MUC20: variants seen among roughly 807,000 people sequenced by gnomAD.
The protein encoded by MUC20 is mucin 20, cell surface associated.
MUC20 carries 14 observed loss-of-function variants against 23.8 expected under a neutral mutation model. The ratio of observed to expected loss-of-function variants is 0.59; its 90% confidence interval spans 0.39 to 0.92. The LOEUF (loss-of-function observed/expected upper bound fraction) is 0.92. Ranked by LOEUF, MUC20 falls within the 40% of genes least tolerant of loss-of-function variation. The pLI, the probability that MUC20 is intolerant of heterozygous loss-of-function variation, is 0.00. For missense variants in MUC20, 375 were observed against 668.8 expected (o/e 0.56, Z 4.85); for synonymous variants, 166 against 279.3 (o/e 0.59, Z 4.04).
Position 195,726,307 on chromosome 3 carries a change from G to A in MUC20, c.1704G>A (p.Gly568=), listed in dbSNP as rs770050031. The A allele has an allele frequency of 2.8e-5, 45 of 1,613,946 alleles. No homozygotes were observed. The highest frequency in any genetic ancestry group is 2.5e-4 in the East Asian group (11 of 44,896). ...TGGGCAAAACAACTTCCTTTGCTGG[G>A]AGCTCTGCTTCCTCCTACAGCCCCT... ...SAVGKTTSFA[G]SSASSYSPSE... Residue 568 remains glycine, a synonymous_variant, in exon 2 of 4, where the codon GGG becomes GGA. Transcript: ENST00000447234.
intron 2 of MUC20, 160 bp from the exon 3 acceptor site, chr3:195,729,488 G>A (rs1713131439): frequency 1.4e-6 from 1 of 689,700 alleles, no homozygotes; most frequent in Non-Finnish European, 2.4e-6. Flanking sequence ...GGCTCATTTT[G>A]TGTTTTTAGT....
chr3:195,726,783 C>G (rs543989005), intron 2 of MUC20, among the ~76,000 whole-genome samples: 27 of 152,352 alleles, frequency 1.8e-4, no homozygotes, highest in Middle Eastern at 3.4e-3. Flanking sequence ...GGATGGAAGT[C>G]CGGAGAAATG....
chr3:195,730,572 A>T (rs552270526), intron 3 of MUC20, among the ~76,000 whole-genome samples: 315 of 152,080 alleles, frequency 2.1e-3, no homozygotes, highest in African/African-American at 7.3e-3. Flanking sequence ...GAATAGTCTC[A>T]ATCTCCTGAC....
intron 1 of MUC20, among the ~76,000 whole-genome samples, 189 bp downstream of exon 1, chr3:195,721,272 T>G (rs1204555246): frequency 1.1e-4 from 16 of 145,570 alleles, no homozygotes; most frequent in East Asian, 4.2e-4. Context: ...AGTGTAAGCG[T>G]GCATGGCGCT....
chr3:195,721,258 T>A (rs55707324), intron 1 of MUC20, among the ~76,000 whole-genome samples, 175 bp downstream of exon 1: 21,594 of 150,314 alleles, frequency 0.14, 1,045 homozygotes, highest in Non-Finnish European at 0.18. Flanking sequence ...CAAATGACAG[T>A]GTGAGTGTAA....
chr3:195,721,577 A>G (rs1286169032), intron 1 of MUC20: 2 of 184,256 alleles, frequency 1.1e-5, no homozygotes, highest in Non-Finnish European at 2.2e-5. Context: ...AACTGCCACA[A>G]ACTGCTTGGG....
intron 3 of MUC20, 111 bp from the exon 4 acceptor site, chr3:195,733,039 G>C (rs892788714): frequency 4.2e-6 from 5 of 1,184,472 alleles, no homozygotes; most frequent in Non-Finnish European, 6.1e-6. Context: ...GCCCAGGAAG[G>C]GTTGCCGTCC....
chr3:195,728,011 CTATT>C (rs1481425227), intron 2 of MUC20, among the ~76,000 whole-genome samples: 5 of 152,306 alleles, frequency 3.3e-5, no homozygotes, highest in East Asian at 1.9e-4. Flanking sequence ...GTTATCTCCT[CTATT>C]TAACCTTCAA....
At chr3:195,733,030 C>A in intron 3 of MUC20, 120 bp from the exon 4 acceptor site, 1 of 1,060,952 alleles carries the variant, frequency 9.4e-7, no homozygotes, top group Non-Finnish European at 1.4e-6. Flanking sequence ...ATGTAGGAGG[C>A]CCAGGAAGGG....
Position 195,733,167 on chromosome 3 carries a change from C to G in MUC20, c.2079C>G (p.His693Gln). The part of the protein sequence containing the change: ...RLMQQLHREL[H>Q]AHAPHFQVSL... ...CTCTCCAGCTCCACCGGGAACTCCA[C>G]GCCCACGCGCCTCACTTCCAGGTCT... The change falls in exon 4 of 4, where the codon CAC becomes CAG. Residue 693 changes from histidine (H) to glutamine (Q), a missense_variant. His to Gln is a conservative substitution (Grantham distance 24, BLOSUM62 0). Coordinates refer to ENST00000447234, the MANE Select transcript of MUC20 (RefSeq NM_001282506.2). The G allele has an allele frequency of 6.3e-7, 1 of 1,593,274 alleles. No homozygotes were observed. The highest frequency in any genetic ancestry group is 8.5e-7 in the Non-Finnish European group (1 of 1,170,900).
In MUC20 at chr3:195,721,072, G is replaced by A. The variant is rs767173969; in HGVS notation, c.65G>A (p.Gly22Glu). The A allele has an allele frequency of 6.3e-7, 1 of 1,585,482 alleles. No homozygotes were observed. Among genetic ancestry groups the A allele is most frequent in the Non-Finnish European group, 8.6e-7 (1 of 1,165,054 alleles). Residue 22 changes from glycine (G) to glutamate (E), a missense_variant, in exon 1 of 4, where the codon GGG becomes GAG. By Grantham distance (98) the Gly-to-Glu change is moderately conservative. This residue lies in a region of MUC20 where 7 missense variants were observed against 24.8 expected (regional missense o/e 0.28). Coordinates refer to ENST00000447234, the MANE Select transcript of MUC20 (RefSeq NM_001282506.2). ...TTCTGCTGGGAGGTTGGGGTCTCTG[G>A]GAGCTCTGCAGGTAAGGAGGCCTAG... The part of the protein sequence containing the change: ...FFFCWEVGVS[G>E]SSAGPSTRRA...
rs956260033 is a variant in MUC20 at position 195,728,385 on chromosome 3, T to C, written c.1970-1263T>C. On this transcript the variant is annotated intron_variant, in intron 2 of 3. Transcript: ENST00000447234. ...CATGTGAGCAAAAGAATCTGTGTCA[T>C]AATTAAGTTCAAGGGAAGATACTAT... is the stretch of plus-strand genomic sequence containing the variant. 2.6e-5 allele frequency among the ~76,000 whole-genome samples: 4 copies of C among 152,274 alleles called. No homozygotes were observed. In the South Asian group the frequency reaches 6.2e-4, roughly 24 times the overall value.
intron 3 of MUC20, among the ~76,000 whole-genome samples, chr3:195,731,007 A>G (rs1183999836): frequency 1.3e-5 from 2 of 152,214 alleles, no homozygotes; most frequent in Admixed American, 1.3e-4. Context: ...TGTTCTCCTA[A>G]TGTGTGGTAC....
intron 1 of MUC20, among the ~76,000 whole-genome samples, chr3:195,723,154 T>C (rs1466864286): frequency 6.6e-6 from 1 of 151,468 alleles, no homozygotes; most frequent in African/African-American, 2.4e-5. Context: ...AACCAGCAGA[T>C]CATCTGACCC....
chr3:195,730,142 A>C (rs1577861719), intron 3 of MUC20: 1 of 176,642 alleles, frequency 5.7e-6, no homozygotes, highest in South Asian at 1.4e-4. Flanking sequence ...TGAGAAACCT[A>C]CAAGTGTCTC....
At chr3:195,726,926 C>T (rs1238404905) in intron 2 of MUC20, among the ~76,000 whole-genome samples, 2 of 152,268 alleles carry the variant, frequency 1.3e-5, no homozygotes, top group African/African-American at 4.8e-5. Context: ...CCAGCTCTGA[C>T]CTTCTGTGAA....
chr3:195,729,715 A>G lies in MUC20; in HGVS notation c.2037A>G (p.Arg679=), dbSNP rs750797100. The G allele has an allele frequency of 2.5e-6, 4 of 1,597,980 alleles. No homozygotes were observed. The highest frequency in any genetic ancestry group is 1.1e-5 in the South Asian group (1 of 88,280). ...CCCCGGAAGACCTCACTGACCCCAG[A>G]GTGGCAGAAAGGCTGATGCAGCAGG... ...VASPEDLTDP[R]VAERLMQQLH... Residue 679 remains arginine, a synonymous_variant, in exon 3 of 4, where the codon AGA becomes AGG. Transcript: ENST00000447234.
chr3:195,730,856 C>G (rs1030713574), intron 3 of MUC20, among the ~76,000 whole-genome samples: 1 of 152,244 alleles, frequency 6.6e-6, no homozygotes, highest in Non-Finnish European at 1.5e-5. Flanking sequence ...GGAAAATTCT[C>G]CTAAAACCCA....
At chr3:195,729,579 G>C in intron 2 of MUC20, 69 bp from the exon 3 acceptor site, 1 of 1,433,914 alleles carries the variant, frequency 7.0e-7, no homozygotes, top group Non-Finnish European at 9.6e-7. Context: ...GCCTCCCAAA[G>C]TGCTGGGATG....
Sources: gnomAD v4.1 joint callset for allele counts (sites outside exome capture counted in the v4.1 genomes callset) on GRCh38, gnomAD v4.1.1 for gene constraint, gnomAD v4.1.1 regional missense constraint, MANE v1.5 for transcripts, NCBI Gene and HGNC (gene_info 2026-07-23, HGNC 2026-07-21) for gene names.